Variants in MAP4K3 observed in about 807,000 individuals in gnomAD.
MAP4K3 encodes mitogen-activated protein kinase kinase kinase kinase 3.
A neutral mutation model predicts 143.5 loss-of-function variants in MAP4K3; 94 were observed. That is an observed-to-expected ratio of 0.65 (90% CI 0.55 to 0.78). The LOEUF (loss-of-function observed/expected upper bound fraction) is 0.78, where lower values mean the gene tolerates loss of function less well. MAP4K3 is among the 30% of genes least tolerant of loss of function. MAP4K3 has a pLI of 0.00. For missense variants in MAP4K3, 1,077 were observed against 1,068.1 expected, an observed-to-expected ratio of 1.01 and a Z score of -0.12; for synonymous variants, 416 against 347.2, an observed-to-expected ratio of 1.20 and a Z score of -2.20.
Position 39,260,615 on chromosome 2 carries a change from T to C in MAP4K3, c.2299A>G (p.Thr767Ala), listed in dbSNP as rs1242630364. 1 of 1,613,930 alleles carries C rather than the reference T, an allele frequency of 6.2e-7. No individual in the cohort carries two copies. Among genetic ancestry groups the C allele is most frequent in the Admixed American group, 1.7e-5 (1 of 59,984 alleles). The change falls in exon 29 of 34, where the codon ACA (threonine) becomes GCA (alanine). Residue 767 changes from threonine (T) to alanine (A), a missense_variant. Physicochemically the swap from Thr to Ala is moderately conservative, Grantham distance 58. This residue lies in a region of MAP4K3 where 864 missense variants were observed against 801.2 expected (regional missense o/e 1.08). Coordinates refer to ENST00000263881, the MANE Select transcript of MAP4K3 (RefSeq NM_003618.4). ...VNPNSTSSWF[T>A]ESDTPQTNVT... ...CATAAAAATTACAAACCTGATTCTG[T>C]AAACCATGAAGAGGTAGAATTTGGA...
intron 24 of MAP4K3, among the ~76,000 whole-genome samples, chr2:39,277,978 C>G (rs1388238995): frequency 6.6e-6 from 1 of 151,324 alleles, no homozygotes; most frequent in East Asian, 2.0e-4. Context: ...GAAACCCTAT[C>G]TCTACTAAAA....
chr2:39,375,210 G>A (rs912380326), intron 2 of MAP4K3, among the ~76,000 whole-genome samples: 51 of 152,126 alleles, frequency 3.4e-4, no homozygotes, highest in African/African-American at 1.2e-3. Flanking sequence ...AGTGAGCCAC[G>A]ATCCTACCAC....
At chr2:39,264,854 A>C (rs1457292485) in intron 28 of MAP4K3, among the ~76,000 whole-genome samples, 2 of 152,244 alleles carry the variant, frequency 1.3e-5, no homozygotes, top group Admixed American at 6.5e-5. Context: ...CCTAGGCCAA[A>C]CTGCAACCTG....
At chr2:39,396,105 T>C (rs1031182792) in intron 1 of MAP4K3, among the ~76,000 whole-genome samples, 3 of 152,198 alleles carry the variant, frequency 2.0e-5, no homozygotes, top group African/African-American at 4.8e-5. Flanking sequence ...GGCATCATCA[T>C]AGCTCACTGC....
intron 12 of MAP4K3, among the ~76,000 whole-genome samples, chr2:39,321,002 T>C (rs990804190): frequency 1.3e-4 from 20 of 152,206 alleles, no homozygotes; most frequent in African/African-American, 4.1e-4. Context: ...GACTGAAATA[T>C]TAAATACTTG....
At chr2:39,351,845 T>C (rs1464541529) in intron 3 of MAP4K3, among the ~76,000 whole-genome samples, 1 of 152,110 alleles carries the variant, frequency 6.6e-6, no homozygotes, top group African/African-American at 2.4e-5. Flanking sequence ...ATTTTTTGTA[T>C]TTTTAATAGA....
chr2:39,378,206 C>A, intron 1 of MAP4K3, 83 bp from the exon 2 acceptor site: 1 of 687,098 alleles, frequency 1.5e-6, no homozygotes, highest in South Asian at 1.9e-5. Flanking sequence ...TTACTGTTTT[C>A]AGTTATATAA....
intron 1 of MAP4K3, among the ~76,000 whole-genome samples, chr2:39,398,890 G>A (rs1666881381): frequency 6.6e-6 from 1 of 151,164 alleles, no homozygotes; most frequent in Non-Finnish European, 1.5e-5. Flanking sequence ...CAAAAAATAT[G>A]AAAATTAGCC....
chr2:39,388,960 G>A (rs1481636357), intron 1 of MAP4K3, among the ~76,000 whole-genome samples: 1 of 152,006 alleles, frequency 6.6e-6, no homozygotes, highest in African/African-American at 2.4e-5. Context: ...AACCACCAGA[G>A]CAGTAAAAAC....
chr2:39,290,260 CAT>C, intron 19 of MAP4K3, 30 bp downstream of exon 19: 2 of 1,558,450 alleles, frequency 1.3e-6, no homozygotes, highest in Non-Finnish European at 8.8e-7. Flanking sequence ...CAATAACACA[CAT>C]ATATCAAATT....
At position 39,286,978 on chromosome 2, in the gene MAP4K3, T is replaced by C. The variant is rs367858716; in HGVS notation, c.1475-14A>G. The C allele has an allele frequency of 3.0e-4, 449 of 1,496,292 alleles. 4 individuals are homozygous for C. Among genetic ancestry groups the C allele is most frequent in the Middle Eastern group, 2.7e-3 (15 of 5,476 alleles). The allele number at this position is 1,496,292 out of a possible 1,614,324, so 92.7% of individuals were successfully genotyped here. On this transcript the variant is annotated splice_polypyrimidine_tract_variant and intron_variant, in intron 20 of 33. Transcript: ENST00000263881. ...TCATTCCATTTCCTTCAATAAGATA[T>C]ATTCATTGAAAATGATTAATCTTCA... is the stretch of plus-strand genomic sequence containing the variant.
intron 4 of MAP4K3, among the ~76,000 whole-genome samples, chr2:39,342,674 T>A (rs1233756725): frequency 6.6e-6 from 1 of 152,106 alleles, no homozygotes; most frequent in Non-Finnish European, 1.5e-5. Flanking sequence ...TAGTCTTACA[T>A]CTCTGCTTTA....
At chr2:39,377,085 T>C (rs1666238815) in intron 2 of MAP4K3, among the ~76,000 whole-genome samples, 1 of 152,084 alleles carries the variant, frequency 6.6e-6, no homozygotes, top group African/African-American at 2.4e-5. Flanking sequence ...TTAATATCAC[T>C]TCTAAAAAGT....
At chr2:39,301,922 G>A (rs1573118297) in intron 15 of MAP4K3, among the ~76,000 whole-genome samples, 1 of 152,038 alleles carries the variant, frequency 6.6e-6, no homozygotes, top group East Asian at 1.9e-4. Context: ...TACTCGGGAG[G>A]CTGAGGCAGG....
intron 1 of MAP4K3, among the ~76,000 whole-genome samples, chr2:39,389,339 T>C (rs1033869054): frequency 6.6e-6 from 1 of 151,888 alleles, no homozygotes; most frequent in Non-Finnish European, 1.5e-5. Flanking sequence ...TAAGAAAATA[T>C]ACATCTAATT....
intron 4 of MAP4K3, among the ~76,000 whole-genome samples, chr2:39,342,592 G>T (rs970648381): frequency 6.6e-5 from 10 of 151,960 alleles, no homozygotes; most frequent in African/African-American, 2.4e-4. Flanking sequence ...CAATCTTTAT[G>T]TTAAGTAAAA....
At chr2:39,260,837 A>T in intron 28 of MAP4K3, 60 bp from the exon 29 acceptor site, 2 of 1,185,108 alleles carry the variant, frequency 1.7e-6, no homozygotes, top group Non-Finnish European at 2.4e-6. Flanking sequence ...TAATTCTATG[A>T]GAATACTATA....
chr2:39,319,452 T>C (rs1425628914), intron 12 of MAP4K3, among the ~76,000 whole-genome samples: 2 of 152,132 alleles, frequency 1.3e-5, no homozygotes, highest in Non-Finnish European at 2.9e-5. Context: ...ATTTCATATA[T>C]GTGGGTTTTG....
intron 1 of MAP4K3, among the ~76,000 whole-genome samples, chr2:39,433,919 T>A (rs1665370979): frequency 6.6e-6 from 1 of 152,208 alleles, no homozygotes; most frequent in Non-Finnish European, 1.5e-5. Flanking sequence ...AAGAAGGGCA[T>A]ATGATGGTAA....
Sources: gnomAD v4.1 joint callset for allele counts (sites outside exome capture counted in the v4.1 genomes callset) on GRCh38, gnomAD v4.1.1 for gene constraint, gnomAD v4.1.1 regional missense constraint, MANE v1.5 for transcripts, NCBI Gene and HGNC (gene_info 2026-07-23, HGNC 2026-07-21) for gene names.